C1orf185: variants seen among roughly 807,000 people sequenced by gnomAD.
The protein encoded by C1orf185 is chromosome 1 open reading frame 185.
C1orf185 carries 13 observed loss-of-function variants against 16.1 expected under a neutral mutation model. That is an observed-to-expected ratio of 0.81 (90% CI 0.53 to 1.28). The LOEUF (loss-of-function observed/expected upper bound fraction) is 1.28, where lower values mean the gene tolerates loss of function less well. Ranked by LOEUF, C1orf185 falls within the 50% of genes most tolerant of loss-of-function variation. C1orf185 has a pLI of 0.00. For synonymous variants in C1orf185, 80 were observed against 76.9 expected (o/e 1.04, Z -0.21); for missense variants, 220 against 225.2 (o/e 0.98, Z 0.15).
rs1217846198 is a variant in C1orf185 at position 51,147,631 on chromosome 1, T to C, written c.460T>C (p.Trp154Arg). The C allele has an allele frequency of 3.9e-6, 6 of 1,551,478 alleles. No homozygotes were observed. The highest frequency in any genetic ancestry group is 1.2e-5 in the South Asian group (1 of 84,068). ...CCAAAGTATAGAAGCAGCTGATGAC[T>C]GGTTTTCTGATGATTCTCTAGTGAA... ...YSQSIEAADD[W>R]FSDDSLVKRN... The change falls in exon 5 of 5, where the codon TGG becomes CGG. Residue 154 changes from tryptophan to arginine, a missense_variant. Transcript: ENST00000371759.
chr1:51,108,620 ACT>A (rs993231422), intron 1 of C1orf185, among the ~76,000 whole-genome samples: 4 of 151,564 alleles, frequency 2.6e-5, no homozygotes, highest in Non-Finnish European at 5.9e-5. Context: ...CCACCATTTT[ACT>A]CTCTTCTTCA....
rs199798609 is a variant in C1orf185, at chr1:51,136,339, A to ATT, written c.259-9372_259-9371dup. Among the ~76,000 whole-genome samples, 155 of 143,620 alleles carry ATT rather than the reference A, an allele frequency of 1.1e-3. 2 individuals are homozygous for ATT. The highest frequency in any genetic ancestry group is 3.5e-3 in the African/African-American group (139 of 39,240). The allele number at this position is 143,620 out of a possible 152,430, so 94.2% of individuals were successfully genotyped here. A position where few individuals can be genotyped will look rare whatever the true frequency, so the allele number is the denominator to read the frequency against. ...TTTTATTATTTCTATTTTGATCTTGATTTTTTTTTTTTTTGAGATGGAGTC... is the reference window on the plus strand; with the variant it reads ...TTTTATTATTTCTATTTTGATCTTGATTTTTTTTTTTTTTTTGAGATGGAGTC... On this transcript the variant is annotated intron_variant, in intron 3 of 4. Transcript: ENST00000371759.
intron 3 of C1orf185, among the ~76,000 whole-genome samples, chr1:51,136,249 T>C (rs1448556754): frequency 6.6e-6 from 1 of 152,168 alleles, no homozygotes; most frequent in Non-Finnish European, 1.5e-5. Flanking sequence ...AATTTATAGA[T>C]TCAATGCTAT....
intron 2 of C1orf185, among the ~76,000 whole-genome samples, chr1:51,114,415 T>G (rs1458382613): frequency 6.6e-6 from 1 of 152,184 alleles, no homozygotes; most frequent in Non-Finnish European, 1.5e-5. Flanking sequence ...AAAAGTAATA[T>G]TATCTCCATT....
chr1:51,114,507 G>C (rs984911540), intron 2 of C1orf185, among the ~76,000 whole-genome samples: 5 of 152,184 alleles, frequency 3.3e-5, no homozygotes, highest in African/African-American at 1.2e-4. Context: ...TGGATCACTT[G>C]AGGCTAAGAG....
At chr1:51,120,278 T>A (rs898988577) in intron 3 of C1orf185, among the ~76,000 whole-genome samples, 1 of 152,176 alleles carries the variant, frequency 6.6e-6, no homozygotes, top group Non-Finnish European at 1.5e-5. Context: ...AGGATTATAG[T>A]AATATGGTCA....
Position 51,127,338 on chromosome 1 carries a change from GA to G in C1orf185, c.258+8538del, listed in dbSNP as rs576450565. Reference sequence around the variant, plus strand: ...AGTTTCGCTCTTGTCGCCCAAGCTGGAGTGCAATGATGCAATCTCAGCTCAC... The same window carrying G: ...AGTTTCGCTCTTGTCGCCCAAGCTGGGTGCAATGATGCAATCTCAGCTCAC... On this transcript the variant is annotated intron_variant, in intron 3 of 4. Coordinates refer to ENST00000371759, the MANE Select transcript of C1orf185 (RefSeq NM_001136508.2). Among the ~76,000 whole-genome samples the G allele has an allele frequency of 2.7e-3, 418 of 152,030 alleles. 3 individuals carry two copies. The highest frequency in any genetic ancestry group is 9.8e-3 in the African/African-American group (408 of 41,440).
intron 3 of C1orf185, among the ~76,000 whole-genome samples, chr1:51,134,605 A>G (rs764215932): frequency 4.6e-5 from 7 of 152,186 alleles, no homozygotes; most frequent in Non-Finnish European, 8.8e-5. Flanking sequence ...ATAGACCACT[A>G]GCTAGACTAA....
chr1:51,123,966 C>T (rs1557647270), intron 3 of C1orf185, among the ~76,000 whole-genome samples: 3 of 150,686 alleles, frequency 2.0e-5, no homozygotes, highest in African/African-American at 4.9e-5. Context: ...CACACACACA[C>T]ATTATATATA....
intron 1 of C1orf185, among the ~76,000 whole-genome samples, chr1:51,103,426 C>CACACACACACAT (rs1557640596): frequency 2.0e-5 from 3 of 148,046 alleles, no homozygotes; most frequent in African/African-American, 2.6e-5. Flanking sequence ...CACACACACA[C>CACACACACACAT]ACACACACAC....
intron 3 of C1orf185, among the ~76,000 whole-genome samples, chr1:51,127,887 T>G (rs79988071): frequency 8.2e-6 from 1 of 121,326 alleles, no homozygotes; most frequent in Non-Finnish European, 1.8e-5. Context: ...TTTTCTTTGT[T>G]TTTTTTTTTT....
intron 3 of C1orf185, among the ~76,000 whole-genome samples, chr1:51,139,870 C>A (rs1646352603): frequency 6.6e-6 from 1 of 152,176 alleles, no homozygotes; most frequent in Non-Finnish European, 1.5e-5. Flanking sequence ...CTCTACTTGG[C>A]ATGTTCTTTT....
At chr1:51,144,871 C>T (rs1461646369) in intron 3 of C1orf185, among the ~76,000 whole-genome samples, 1 of 152,108 alleles carries the variant, frequency 6.6e-6, no homozygotes, top group African/African-American at 2.4e-5. Flanking sequence ...ATCACTCACT[C>T]CATCCCAAAC....
chr1:51,128,012 C>T (rs376842267), intron 3 of C1orf185, among the ~76,000 whole-genome samples: 26 of 151,632 alleles, frequency 1.7e-4, no homozygotes, highest in Admixed American at 1.1e-3. Context: ...CTCAGCCTCC[C>T]GAGTAGTTGG....
intron 3 of C1orf185, among the ~76,000 whole-genome samples, chr1:51,122,064 C>T (rs1055321315): frequency 1.3e-5 from 2 of 152,078 alleles, no homozygotes; most frequent in African/African-American, 4.8e-5. Context: ...TGCAGTATTG[C>T]ATTTCTGAAA....
At position 51,137,742 on chromosome 1, in the gene C1orf185, A is replaced by T. The variant is rs116297065; in HGVS notation, c.259-7982A>T. Among the ~76,000 whole-genome samples, 1,076 of 152,286 alleles carry T rather than the reference A, an allele frequency of 7.1e-3. 14 individuals are homozygous for T. The highest frequency in any genetic ancestry group is 0.025 in the African/African-American group (1,028 of 41,548). On this transcript the variant is annotated intron_variant, in intron 3 of 4. Transcript: ENST00000371759. ...ATATAAATTGTTAGATTATAAAGAC[A>T]CATGCATGTGTATGTTCACTGCAGC...
chr1:51,147,763 A>C lies in C1orf185; in HGVS notation c.592A>C (p.Thr198Pro). 1 of 1,518,108 alleles carries C rather than the reference A, an allele frequency of 6.6e-7. No individual in the cohort carries two copies. Among genetic ancestry groups the C allele is most frequent in the Non-Finnish European group, 8.8e-7 (1 of 1,132,772 alleles). 94.0% of individuals were successfully genotyped at this position (1,518,108 alleles called of 1,614,324 possible). The change falls in exon 5 of 5, where the codon ACT becomes CCT. Residue 198 changes from threonine to proline, a missense_variant. Transcript: ENST00000371759. ...GGGTACTGAAAGTGTACTGAATGACACTTTATGACCATCAAAAAGATGACT... is the reference window on the plus strand; with the variant it reads ...GGGTACTGAAAGTGTACTGAATGACCCTTTATGACCATCAAAAAGATGACT... ...EEGTESVLND[T>P]L is the part of the protein sequence containing the mutation.
chr1:51,102,680 T>C (rs1646040904), intron 1 of C1orf185, among the ~76,000 whole-genome samples: 5 of 152,120 alleles, frequency 3.3e-5, no homozygotes, highest in Admixed American at 3.3e-4. Flanking sequence ...TTACTAGAGA[T>C]TTGTCCATTT....
intron 2 of C1orf185, among the ~76,000 whole-genome samples, chr1:51,115,974 T>C (rs1355179352): frequency 6.6e-6 from 1 of 152,114 alleles, no homozygotes; most frequent in East Asian, 1.9e-4. Context: ...TTTACTCAGC[T>C]CAGTTAAGCT....
Sources: allele counts gnomAD v4.1 joint callset (sites outside exome capture counted in the v4.1 genomes callset), GRCh38; gene constraint gnomAD v4.1.1; transcripts MANE v1.5; gene names NCBI Gene and HGNC (gene_info 2026-07-23, HGNC 2026-07-21).